ZNF207: variants seen among roughly 807,000 people sequenced by gnomAD.
The protein encoded by ZNF207 is BUB3-interacting and GLEBS motif-containing protein ZNF207.
Under a neutral mutation model 60.2 loss-of-function variants are expected in ZNF207, and 24 were observed. The ratio of observed to expected loss-of-function variants is 0.40; its 90% CI spans 0.29 to 0.56. The LOEUF (loss-of-function observed/expected upper bound fraction) is 0.56. Ranked by LOEUF, ZNF207 falls within the 20% of genes least tolerant of loss-of-function variation. The pLI is 0.49. For synonymous variants in ZNF207, 236 were observed against 194.7 expected (o/e 1.21, Z -1.77); for missense variants, 452 against 636.6 (o/e 0.71, Z 3.12).
intron 1 of ZNF207, among the ~76,000 whole-genome samples, chr17:32,350,739 C>G (rs952166213): frequency 6.6e-6 from 1 of 152,164 alleles, no homozygotes; most frequent in East Asian, 1.9e-4. Context: ...GTCTGTCACC[C>G]ACTTTTTCTG....
At chr17:32,363,276 C>T (rs964697071) in intron 7 of ZNF207, among the ~76,000 whole-genome samples, 8 of 151,246 alleles carry the variant, frequency 5.3e-5, no homozygotes, top group South Asian at 2.1e-4. Context: ...TTAGTAGAGA[C>T]GGGGTTTTAC....
At chr17:32,350,588 G>A (rs1002840357) in intron 1 of ZNF207, among the ~76,000 whole-genome samples, 3 of 152,160 alleles carry the variant, frequency 2.0e-5, no homozygotes, top group African/African-American at 4.8e-5. Context: ...CCGGGAGGCG[G>A]CCTGGACCCC....
chr17:32,358,440 CTT>C, intron 2 of ZNF207, 61 bp from the exon 3 acceptor site: 1 of 1,472,372 alleles, frequency 6.8e-7, no homozygotes, highest in Non-Finnish European at 9.0e-7. Context: ...ACTAAGCAGT[CTT>C]TGATTAACTT....
chr17:32,370,637 A>T lies in ZNF207; in HGVS notation c.*878A>T. 1 of 152,230 alleles carries T rather than the reference A, an allele frequency of 6.6e-6. No homozygotes were observed. The highest frequency in any genetic ancestry group is 1.5e-5 in the Non-Finnish European group (1 of 68,040). The allele number at this position is 152,230 out of a possible 1,614,324, so 9.4% of individuals were successfully genotyped here. A position where few individuals can be genotyped will look rare whatever the true frequency, so the allele number is the denominator to read the frequency against. ...CTTCCACCCTCTATGGTGTCAGTAC[A>T]CATCACGTGTCATAGATACTTAAAA... On this transcript the variant is annotated 3_prime_UTR_variant, in exon 12 of 12. Transcript: ENST00000394670.
In ZNF207 at chr17:32,366,555, A is replaced by G. The variant is rs1905171067; in HGVS notation, c.829-110A>G. On this transcript the variant is annotated intron_variant, in intron 8 of 11. Transcript: ENST00000394670. Reference sequence around the variant, plus strand: ...TTTAAAATAAGTGACATTTGATTGCATTAAATTTTGCATTTACAAATATGC... The same window carrying G: ...TTTAAAATAAGTGACATTTGATTGCGTTAAATTTTGCATTTACAAATATGC... 5 of 731,368 alleles carry G rather than the reference A, an allele frequency of 6.8e-6. No individual in the cohort carries two copies. In the South Asian group the frequency reaches 1.5e-4, roughly 23 times the overall value. 45.3% of individuals were successfully genotyped at this position (731,368 alleles called of 1,614,324 possible).
At position 32,378,316 on chromosome 17, in the gene ZNF207, G is replaced by A. The variant is rs1277938017; in HGVS notation, c.*8557G>A. On this transcript the variant is annotated 3_prime_UTR_variant, in exon 12 of 12. Coordinates refer to ENST00000394670, the MANE Select transcript of ZNF207 (RefSeq NM_001098507.2). Reference sequence around the variant, plus strand: ...TTTGGGTCCAGGGTCTTTTACTTAAGCTATTTCATGGTGGTTCTCTCATTC... The same window carrying A: ...TTTGGGTCCAGGGTCTTTTACTTAAACTATTTCATGGTGGTTCTCTCATTC... 1.3e-5 allele frequency: 2 copies of A among 152,000 alleles called. No individual in the cohort carries two copies. Among genetic ancestry groups the A allele is most frequent in the Non-Finnish European group, 2.9e-5 (2 of 67,904 alleles). 9.4% of individuals were successfully genotyped at this position (152,000 alleles called of 1,614,324 possible).
At chr17:32,369,267 T>G in intron 10 of ZNF207, 28 bp from the exon 11 acceptor site, 1 of 1,608,794 alleles carries the variant, frequency 6.2e-7, no homozygotes, top group Non-Finnish European at 8.5e-7. Context: ...ATTCGAGTAT[T>G]TAGCCCTGCG....
chr17:32,353,694 C>CG (rs1429071570), intron 2 of ZNF207, among the ~76,000 whole-genome samples: 63 of 78,070 alleles, frequency 8.1e-4, no homozygotes, highest in Non-Finnish European at 2.3e-4. Flanking sequence ...GGGCTGGGGG[C>CG]GGGGGGCGCG....
intron 2 of ZNF207, among the ~76,000 whole-genome samples, chr17:32,353,876 C>T (rs1567812466): frequency 1.3e-5 from 2 of 151,098 alleles, no homozygotes. Flanking sequence ...CACAGCTGTT[C>T]ACTGTTGCAG....
chr17:32,357,311 A>AATTATT (rs1330669262), intron 2 of ZNF207, among the ~76,000 whole-genome samples: 46 of 118,318 alleles, frequency 3.9e-4, no homozygotes, highest in East Asian at 1.6e-3. Flanking sequence ...TTGCTATTCT[A>AATTATT]ATTATTATTA....
chr17:32,367,239 TTA>T (rs10525886), intron 9 of ZNF207, among the ~76,000 whole-genome samples: 934 of 32,016 alleles, frequency 0.029, 5 homozygotes, highest in East Asian at 0.087. Flanking sequence ...TTGGAGGGGA[TTA>T]TATATATATA....
chr17:32,359,355 C>T (rs1904727422), intron 3 of ZNF207, among the ~76,000 whole-genome samples: 1 of 151,926 alleles, frequency 6.6e-6, no homozygotes, highest in Non-Finnish European at 1.5e-5. Flanking sequence ...TCGTGATCTG[C>T]CCGCCTCGGC....
intron 9 of ZNF207, 102 bp downstream of exon 9, chr17:32,366,859 T>G: frequency 9.0e-7 from 1 of 1,105,710 alleles, no homozygotes; most frequent in East Asian, 2.9e-5. Context: ...TATACTGTGT[T>G]TACTTTTTTA....
chr17:32,351,663 G>T (rs1176021375), intron 1 of ZNF207, 123 bp from the exon 2 acceptor site: 2 of 1,586,394 alleles, frequency 1.3e-6, no homozygotes, highest in Non-Finnish European at 1.7e-6. Context: ...AATATAAAAA[G>T]CAGAGTTTCT....
intron 9 of ZNF207, among the ~76,000 whole-genome samples, chr17:32,367,087 G>C (rs796134763): frequency 1.3e-5 from 2 of 151,320 alleles, no homozygotes; most frequent in African/African-American, 4.8e-5. Context: ...ATACTGCTTT[G>C]GTTCTAAAGT....
At chr17:32,367,282 T>TATGTATATATATATAA (rs1905241031) in intron 9 of ZNF207, among the ~76,000 whole-genome samples, 3 of 82,862 alleles carry the variant, frequency 3.6e-5, no homozygotes, top group Non-Finnish European at 6.5e-5. Flanking sequence ...TATATATATA[T>TATGTATATATATATAA]ATAAAGAATA....
At position 32,372,903 on chromosome 17, in the gene ZNF207, G is replaced by GAAGC. The variant is rs1160345185; in HGVS notation, c.*3145_*3148dup. ...AGGCATTGTGATTGTCATAATTAAGGAAGCTGTAAGGTTAGTAGGGCTGGC... is the reference window on the plus strand; with the variant it reads ...AGGCATTGTGATTGTCATAATTAAGGAAGCAAGCTGTAAGGTTAGTAGGGCTGGC... On this transcript the variant is annotated 3_prime_UTR_variant, in exon 12 of 12. Coordinates refer to ENST00000394670, the MANE Select transcript of ZNF207 (RefSeq NM_001098507.2). 2 of 152,164 alleles carry GAAGC rather than the reference G, an allele frequency of 1.3e-5. No individual in the cohort carries two copies. The highest frequency in any genetic ancestry group is 4.8e-5 in the African/African-American group (2 of 41,440). 9.4% of individuals were successfully genotyped at this position (152,164 alleles called of 1,614,324 possible).
chr17:32,361,606 T>C, intron 6 of ZNF207, 91 bp downstream of exon 6: 1 of 1,195,070 alleles, frequency 8.4e-7, no homozygotes, highest in Non-Finnish European at 1.1e-6. Context: ...TCAGTTGACT[T>C]CAGAAATTTT....
intron 10 of ZNF207, 170 bp from the exon 11 acceptor site, chr17:32,369,125 T>G: frequency 1.6e-6 from 1 of 614,936 alleles, no homozygotes; most frequent in South Asian, 2.7e-5. Context: ...TTTTAAGGTA[T>G]CTAGAGTTTA....
Sources: gnomAD v4.1 joint callset for allele counts (sites outside exome capture counted in the v4.1 genomes callset) on GRCh38, gnomAD v4.1.1 for gene constraint, MANE v1.5 for transcripts, NCBI Gene and HGNC (gene_info 2026-07-23, HGNC 2026-07-21) for gene names.